NTHL1: variants seen among roughly 807,000 people sequenced by gnomAD.
The protein encoded by NTHL1 is nth like DNA glycosylase 1.
A neutral mutation model predicts 32.3 loss-of-function variants in NTHL1; 32 were observed. The ratio of observed to expected loss-of-function variants is 0.99; its 90% CI spans 0.75 to 1.33. The LOEUF (loss-of-function observed/expected upper bound fraction) is 1.33. NTHL1 is among the 40% of genes most tolerant of loss of function. The pLI is 0.00. For synonymous variants in NTHL1, 188 were observed against 176.9 expected, an observed-to-expected ratio of 1.06 and a Z score of -0.50; for missense variants, 501 against 414.1, an observed-to-expected ratio of 1.21 and a Z score of -1.82.
intron 4 of NTHL1, chr16:2,040,592 A>G (rs1215642161): frequency 4.8e-6 from 2 of 414,418 alleles, no homozygotes; most frequent in East Asian, 5.0e-5. Context: ...TTGGAGCTCT[A>G]TTCCCCACAA....
At chr16:2,045,914 C>G (rs2084347049) in intron 2 of NTHL1, among the ~76,000 whole-genome samples, 1 of 152,216 alleles carries the variant, frequency 6.6e-6, no homozygotes, top group Non-Finnish European at 1.5e-5. Flanking sequence ...CACGCCTGCA[C>G]TGGGCAGAAG....
chr16:2,047,618 C>T (rs1016677916), intron 1 of NTHL1, 91 bp downstream of exon 1: 46 of 1,475,488 alleles, frequency 3.1e-5, no homozygotes, highest in Non-Finnish European at 3.9e-5. Context: ...CCCCTGCCCG[C>T]GCAGCTGGGA....
Position 2,043,870 on chromosome 16 carries a change from G to T in NTHL1, c.526-144C>A. On this transcript the variant is annotated intron_variant, in intron 3 of 5. Coordinates refer to ENST00000651570, the MANE Select transcript of NTHL1 (RefSeq NM_002528.7). The surrounding 1 kb of genome is among the most constrained non-coding windows in gnomAD (Gnocchi z 4.4). ...AAGCTCAGCCCCCGCCCCCCAGGAG[G>T]CGGGAACAAGCGGAGGGCAGCAGGG... is the stretch of plus-strand genomic sequence containing the variant. 2.1e-6 allele frequency: 2 copies of T among 934,122 alleles called. No individual in the cohort carries two copies. Among genetic ancestry groups the T allele is most frequent in the East Asian group, 2.6e-5 (1 of 38,194 alleles). The allele number at this position is 934,122 out of a possible 1,614,324, so 57.9% of individuals were successfully genotyped here.
Position 2,044,496 on chromosome 16 carries a change from G to T in NTHL1, c.525+134C>A. On this transcript the variant is annotated intron_variant, in intron 3 of 5. Transcript: ENST00000651570. This position sits in a 1 kb window ranked among gnomAD's most constrained non-coding sequence, Gnocchi z 5.0. Reference sequence around the variant, plus strand: ...AGGCCTCAGGGCCCCACGGCCTGGGGGGGGCTTCAGGGGGACCCCCCGAGC... The same window carrying T: ...AGGCCTCAGGGCCCCACGGCCTGGGTGGGGCTTCAGGGGGACCCCCCGAGC... 1.7e-6 allele frequency: 2 copies of T among 1,149,788 alleles called. No homozygotes were observed. The highest frequency in any genetic ancestry group is 2.5e-6 in the Non-Finnish European group (2 of 788,840). The allele number at this position is 1,149,788 out of a possible 1,614,324, so 71.2% of individuals were successfully genotyped here. A position where few individuals can be genotyped will look rare whatever the true frequency, so the allele number is the denominator to read the frequency against.
chr16:2,045,992 C>T (rs533719308), intron 2 of NTHL1, 136 bp downstream of exon 2: 2 of 720,732 alleles, frequency 2.8e-6, no homozygotes, highest in East Asian at 2.5e-5. Flanking sequence ...GCAGGCGATG[C>T]TCTGGGGCAC....
At position 2,044,512 on chromosome 16, in the gene NTHL1, C is replaced by T. The variant is rs2084314062; in HGVS notation, c.525+118G>A. The T allele has an allele frequency of 6.6e-6, 9 of 1,355,170 alleles. No homozygotes were observed. In the South Asian group the frequency reaches 7.2e-5, roughly 11 times the overall value. The allele number at this position is 1,355,170 out of a possible 1,614,324, so 83.9% of individuals were successfully genotyped here. On this transcript the variant is annotated intron_variant, in intron 3 of 5. Coordinates refer to ENST00000651570, the MANE Select transcript of NTHL1 (RefSeq NM_002528.7). The surrounding 1 kb of genome is among the most constrained non-coding windows in gnomAD (Gnocchi z 5.0). ...CGGCCTGGGGGGGGCTTCAGGGGGA[C>T]CCCCCGAGCCTGAGATGCTTGACCC...
chr16:2,039,963 G>A lies in NTHL1; in HGVS notation c.876C>T (p.Cys292=). 6.2e-7 allele frequency: 1 copy of A among 1,607,472 alleles called. No individual in the cohort carries two copies. The highest frequency in any genetic ancestry group is 1.1e-5 in the South Asian group (1 of 91,074). The stretch of plus-strand genomic sequence containing the variant: ...CGGCCGGGCAGAGGGCTTGGTTGAG[G>A]CAGGCGTGGCAGCGAGGGTGCACAG... ...CLPVHPRCHA[C]LNQALCPAAQ... Residue 292 remains cysteine (C), a synonymous_variant, in exon 6 of 6, where the codon TGC becomes TGT. Transcript: ENST00000651570.
chr16:2,043,506 G>A lies in NTHL1; in HGVS notation c.685+61C>T, dbSNP rs1238840846. ...TGGAAGTGGAGTCACAGGTCACAAG[G>A]ATGTGGGGAATCCCAAGAGCAGCCA... is the stretch of plus-strand genomic sequence containing the variant. On this transcript the variant is annotated intron_variant, in intron 4 of 5. Coordinates refer to ENST00000651570, the MANE Select transcript of NTHL1 (RefSeq NM_002528.7). This position sits in a 1 kb window ranked among gnomAD's most constrained non-coding sequence, Gnocchi z 4.4. The A allele has an allele frequency of 1.2e-5, 19 of 1,591,702 alleles. No individual in the cohort carries two copies. The East Asian group carries it at 3.3e-4, about 28-fold the overall frequency.
Position 2,044,912 on chromosome 16 carries a change from G to C in NTHL1, c.355-112C>G. 1 of 1,270,856 alleles carries C rather than the reference G, an allele frequency of 7.9e-7. No homozygotes were observed. Among genetic ancestry groups the C allele is most frequent in the East Asian group, 2.6e-5 (1 of 39,106 alleles). 78.7% of individuals were successfully genotyped at this position (1,270,856 alleles called of 1,614,324 possible). On this transcript the variant is annotated intron_variant, in intron 2 of 5. Coordinates refer to ENST00000651570, the MANE Select transcript of NTHL1 (RefSeq NM_002528.7). The surrounding 1 kb of genome is among the most constrained non-coding windows in gnomAD (Gnocchi z 5.0). The stretch of plus-strand genomic sequence containing the variant: ...TGGTTTGTTGCCCTGGGCCACACTT[G>C]AGGCATCAGCCTCCCCCTGTGGGGT...
rs987935052 is a variant in NTHL1, at chr16:2,044,494, G to C, written c.525+136C>G. 5.3e-6 allele frequency: 6 copies of C among 1,129,908 alleles called. No homozygotes were observed. The highest frequency in any genetic ancestry group is 4.6e-5 in the African/African-American group (3 of 65,790). 70.0% of individuals were successfully genotyped at this position (1,129,908 alleles called of 1,614,324 possible). A position where few individuals can be genotyped will look rare whatever the true frequency, so the allele number is the denominator to read the frequency against. On this transcript the variant is annotated intron_variant, in intron 3 of 5. Coordinates refer to ENST00000651570, the MANE Select transcript of NTHL1 (RefSeq NM_002528.7). This position sits in a 1 kb window ranked among gnomAD's most constrained non-coding sequence, Gnocchi z 5.0. ...TCAGGCCTCAGGGCCCCACGGCCTG[G>C]GGGGGGCTTCAGGGGGACCCCCCGA...
At position 2,046,376 on chromosome 16, in the gene NTHL1, G is replaced by C. The variant is rs3211970; in HGVS notation, c.116-10C>G. 965 of 1,602,306 alleles carry C rather than the reference G, an allele frequency of 6.0e-4. 6 individuals are homozygous for C. In the African/African-American group the frequency reaches 0.012, roughly 19 times the overall value. On this transcript the variant is annotated splice_polypyrimidine_tract_variant and intron_variant, in intron 1 of 5. Coordinates refer to ENST00000651570, the MANE Select transcript of NTHL1 (RefSeq NM_002528.7). ...TGGCTTTTCCTCGCTTCTGCAAAAA[G>C]CACCACGCAGTCCCTCTGGTGGGGC...
intron 2 of NTHL1, among the ~76,000 whole-genome samples, chr16:2,045,797 C>T (rs1262398573): frequency 6.6e-6 from 1 of 152,204 alleles, no homozygotes; most frequent in East Asian, 1.9e-4. Flanking sequence ...TCCAAGCCAC[C>T]TGGTAGCAGA....
At chr16:2,045,321 G>A (rs1335843436) in intron 2 of NTHL1, among the ~76,000 whole-genome samples, 1 of 151,950 alleles carries the variant, frequency 6.6e-6, no homozygotes, top group Non-Finnish European at 1.5e-5. Flanking sequence ...TGGGCAACAA[G>A]AGCAAGACTT....
At chr16:2,042,130 G>A in intron 4 of NTHL1, 1 of 455,496 alleles carries the variant, frequency 2.2e-6, no homozygotes, top group Middle Eastern at 3.3e-4. Context: ...CTTGCAGGTG[G>A]TCAGGCCCAC....
At position 2,044,317 on chromosome 16, in the gene NTHL1, CACACCGGG is replaced by C. The variant is rs2084311127; in HGVS notation, c.525+305_525+312del. 6.6e-6 allele frequency among the ~76,000 whole-genome samples: 1 copy of C among 152,132 alleles called. No homozygotes were observed. Among genetic ancestry groups the C allele is most frequent in the Non-Finnish European group, 1.5e-5 (1 of 68,026 alleles). ...AGGGGCTCTGGACAGGAGGGGGTGA[CACACCGGG>C]AGAGGCTAGCAGTAAACAAAGGGAA... On this transcript the variant is annotated intron_variant, in intron 3 of 5. Coordinates refer to ENST00000651570, the MANE Select transcript of NTHL1 (RefSeq NM_002528.7). This position sits in a 1 kb window ranked among gnomAD's most constrained non-coding sequence, Gnocchi z 5.0.
At chr16:2,047,193 G>C (rs527260888) in intron 1 of NTHL1, 3 of 159,382 alleles carry the variant, frequency 1.9e-5, no homozygotes, top group African/African-American at 7.2e-5. Context: ...AGCGGGACTA[G>C]CGCAGAGGCC....
chr16:2,046,503 C>A, intron 1 of NTHL1, 137 bp from the exon 2 acceptor site: 2 of 778,460 alleles, frequency 2.6e-6, no homozygotes, highest in Non-Finnish European at 4.1e-6. Context: ...GGGTGCTCTG[C>A]CCTCTGCAGT....
Position 2,040,125 on chromosome 16 carries a change from A to C in NTHL1, c.791+8T>G, listed in dbSNP as rs2150938156. ...CTTCTCCCTAGGAAGCCCCCCACAT[A>C]CTCATACCTAGGCAGCCACTCCTCC... On this transcript the variant is annotated splice_region_variant and intron_variant, in intron 5 of 5. Transcript: ENST00000651570. 1 of 1,613,016 alleles carries C rather than the reference A, an allele frequency of 6.2e-7. No individual in the cohort carries two copies. The highest frequency in any genetic ancestry group is 1.1e-5 in the South Asian group (1 of 91,072).
At chr16:2,041,942 C>T (rs956113536) in intron 4 of NTHL1, 6 of 431,348 alleles carry the variant, frequency 1.4e-5, no homozygotes, top group African/African-American at 4.1e-5. Flanking sequence ...TAGTAGAGAG[C>T]GGGTTTCACC....
Sources: allele counts gnomAD v4.1 joint callset (sites outside exome capture counted in the v4.1 genomes callset), GRCh38; gene constraint gnomAD v4.1.1; non-coding constraint Gnocchi (gnomAD v3.1); transcripts MANE v1.5; gene names NCBI Gene and HGNC (gene_info 2026-07-23, HGNC 2026-07-21).